The following MTA1 variants were observed in gnomAD, a reference collection of about 807,000 sequenced individuals.
MTA1 encodes the protein metastasis associated 1.
A neutral mutation model predicts 97.0 loss-of-function variants in MTA1; 15 were observed. The ratio of observed to expected loss-of-function variants is 0.15; its 90% confidence interval spans 0.10 to 0.24. The LOEUF (loss-of-function observed/expected upper bound fraction) is 0.24, where lower values mean the gene tolerates loss of function less well. Among genes scored for constraint, MTA1 ranks in the 10% least tolerant of loss-of-function variants. The probability of loss-of-function intolerance (pLI) is 1.00; values close to 1 mark genes in which losing one functional copy is unlikely to be tolerated. For synonymous variants in MTA1, 435 were observed against 417.5 expected, an observed-to-expected ratio of 1.04 and a Z score of -0.51; for missense variants, 709 against 1,015.1, an observed-to-expected ratio of 0.70 and a Z score of 4.10.
chr14:105,454,342 C>G (rs1555429414), intron 7 of MTA1, 32 bp downstream of exon 7: 7 of 1,397,974 alleles, frequency 5.0e-6, no homozygotes, highest in Non-Finnish European at 7.1e-6. Context: ...ATGGAGCCCT[C>G]TGTCCTGTCC....
Position 105,422,617 on chromosome 14 carries a change from A to G in MTA1, c.28+2554A>G, listed in dbSNP as rs1169794871. On this transcript the variant is annotated intron_variant, in intron 1 of 20. Coordinates refer to ENST00000331320, the MANE Select transcript of MTA1 (RefSeq NM_004689.4). This position sits in a 1 kb window ranked among gnomAD's most constrained non-coding sequence, Gnocchi z 4.3. ...AGATAAACAGAAATTTATTAGTGTA[A>G]GTATGTCCCAAATATGGCATGGGAC... 6.6e-6 allele frequency among the ~76,000 whole-genome samples: 1 copy of G among 152,228 alleles called. No homozygotes were observed. Among genetic ancestry groups the G allele is most frequent in the African/African-American group, 2.4e-5 (1 of 41,468 alleles).
intron 2 of MTA1, among the ~76,000 whole-genome samples, chr14:105,439,076 A>G (rs1555425068): frequency 6.6e-6 from 1 of 151,716 alleles, no homozygotes; most frequent in African/African-American, 2.4e-5. Flanking sequence ...AACCAACCAA[A>G]GGCTGCAGAA....
At chr14:105,441,378 A>G (rs1044113581) in intron 2 of MTA1, among the ~76,000 whole-genome samples, 14 of 151,844 alleles carry the variant, frequency 9.2e-5, no homozygotes, top group Admixed American at 2.0e-4. Context: ...CCCAGCACCC[A>G]TGGGTGCAGC....
At chr14:105,455,912 C>T (rs1354100688) in intron 7 of MTA1, among the ~76,000 whole-genome samples, 1 of 152,152 alleles carries the variant, frequency 6.6e-6, no homozygotes, top group Non-Finnish European at 1.5e-5. Flanking sequence ...GGGGAGGCCG[C>T]TGTGCTGGAG....
intron 6 of MTA1, among the ~76,000 whole-genome samples, chr14:105,453,248 G>A (rs972304618): frequency 6.6e-6 from 1 of 152,288 alleles, no homozygotes; most frequent in Admixed American, 6.5e-5. Flanking sequence ...ATGCTCCGTA[G>A]CGCTCCAGCG....
intron 8 of MTA1, among the ~76,000 whole-genome samples, chr14:105,459,499 G>A (rs879770272): frequency 1.0e-3 from 3 of 2,970 alleles, no homozygotes; most frequent in African/African-American, 1.4e-3. Flanking sequence ...CGTGCTGCCC[G>A]TGGCCCCTGG....
At chr14:105,453,313 C>T (rs2083015891) in intron 6 of MTA1, among the ~76,000 whole-genome samples, 1 of 152,276 alleles carries the variant, frequency 6.6e-6, no homozygotes, top group Non-Finnish European at 1.5e-5. Flanking sequence ...TGCTCTTAAA[C>T]ACCTTGGATA....
rs147309937 is a variant in MTA1 at position 105,469,554 on chromosome 14, G to C, written c.1845+56G>C. 8.8e-6 allele frequency: 14 copies of C among 1,594,250 alleles called. No individual in the cohort carries two copies. In the South Asian group the frequency reaches 1.5e-4, roughly 18 times the overall value. ...TGCGCTCACCCATGAGCTCTCTGGGGTGTTGGGAAGAGGCCTGGCCAGCCC... is the reference window on the plus strand; with the variant it reads ...TGCGCTCACCCATGAGCTCTCTGGGCTGTTGGGAAGAGGCCTGGCCAGCCC... On this transcript the variant is annotated intron_variant, in intron 19 of 20. Coordinates refer to ENST00000331320, the MANE Select transcript of MTA1 (RefSeq NM_004689.4).
At chr14:105,450,415 G>A (rs1162984251) in intron 6 of MTA1, 91 bp downstream of exon 6, 8 of 1,389,310 alleles carry the variant, frequency 5.8e-6, no homozygotes, top group East Asian at 2.4e-5. Flanking sequence ...CGGCGGAGAC[G>A]ATTTTCCCTC....
rs782395324 is a variant in MTA1 at position 105,470,186 on chromosome 14, A to G, written c.2119A>G (p.Asn707Asp). The G allele has an allele frequency of 6.2e-7, 1 of 1,606,942 alleles. No homozygotes were observed. The highest frequency in any genetic ancestry group is 8.5e-7 in the Non-Finnish European group (1 of 1,177,532). Residue 707 changes from asparagine (N) to aspartate (D), a missense_variant, in exon 21 of 21, where the codon AAC (asparagine) becomes GAC (aspartate). Physicochemically the swap from Asn to Asp is conservative, Grantham distance 23 (BLOSUM62 1). Around this residue, in one of 2 missense-constraint regions of MTA1, gnomAD observed 388 missense variants for 421.6 expected, o/e 0.92. Coordinates refer to ENST00000331320, the MANE Select transcript of MTA1 (RefSeq NM_004689.4). Reference sequence around the variant, plus strand: ...GCGGCCACCGCCACCTGCGCCCGTCAACGACGAGCCCATCGTCATCGAGGA... The same window carrying G: ...GCGGCCACCGCCACCTGCGCCCGTCGACGACGAGCCCATCGTCATCGAGGA... ...PPRPPPPAPV[N>D]DEPIVIED
intron 10 of MTA1, among the ~76,000 whole-genome samples, chr14:105,461,407 G>C (rs782593305): frequency 2.6e-5 from 4 of 152,204 alleles, no homozygotes; most frequent in Non-Finnish European, 5.9e-5. Flanking sequence ...TCTTCATGGC[G>C]TGGGGTCTCC....
chr14:105,450,516 C>CT (rs1290110233), intron 6 of MTA1, among the ~76,000 whole-genome samples, 192 bp downstream of exon 6: 17 of 152,244 alleles, frequency 1.1e-4, no homozygotes, highest in Non-Finnish European at 1.8e-4. Flanking sequence ...CGCCCCCACC[C>CT]TACGCGTCCA....
intron 3 of MTA1, chr14:105,449,134 T>C (rs2082824554): frequency 1.9e-6 from 1 of 514,852 alleles, no homozygotes; most frequent in African/African-American, 2.0e-5. Flanking sequence ...TTGTCTGGGC[T>C]CTTCCCAAAG....
At chr14:105,448,704 C>T (rs1297545608) in intron 3 of MTA1, among the ~76,000 whole-genome samples, 1 of 31,874 alleles carries the variant, frequency 3.1e-5, no homozygotes, top group Non-Finnish European at 9.0e-4. Flanking sequence ...CAGATAGGGC[C>T]GGCCCAGAAC....
In MTA1 at chr14:105,466,419, C is replaced by T. The variant is rs1474992905; in HGVS notation, c.1625-7C>T. ...GCAACTCGTTCTGCCTGTGTCATTC[C>T]CGGCAGAGACCCACCCCCGCCCCCC... On this transcript the variant is annotated splice_polypyrimidine_tract_variant and splice_region_variant and intron_variant, in intron 16 of 20. Coordinates refer to ENST00000331320, the MANE Select transcript of MTA1 (RefSeq NM_004689.4). The T allele has an allele frequency of 3.8e-6, 6 of 1,599,126 alleles. No individual in the cohort carries two copies. In the African/African-American group the frequency reaches 6.7e-5, roughly 18 times the overall value.
At chr14:105,421,178 C>A (rs1269674578) in intron 1 of MTA1, among the ~76,000 whole-genome samples, 3 of 152,150 alleles carry the variant, frequency 2.0e-5, no homozygotes, top group Non-Finnish European at 4.4e-5. Flanking sequence ...CTCTGGGCCT[C>A]CCCTGTCCTC....
chr14:105,461,582 A>G (rs945111244), intron 10 of MTA1, among the ~76,000 whole-genome samples: 1 of 152,206 alleles, frequency 6.6e-6, no homozygotes, highest in East Asian at 1.9e-4. Context: ...AGGAGCCCCA[A>G]AGGGGCCGGG....
At chr14:105,456,893 C>G (rs2083174436) in intron 7 of MTA1, among the ~76,000 whole-genome samples, 1 of 152,228 alleles carries the variant, frequency 6.6e-6, no homozygotes, top group Non-Finnish European at 1.5e-5. Flanking sequence ...TCTGGCCAGG[C>G]ATTGTTTCCT....
At chr14:105,465,015 G>C (rs1345965435) in intron 15 of MTA1, 79 bp from the exon 16 acceptor site, 16 of 1,431,578 alleles carry the variant, frequency 1.1e-5, no homozygotes, top group Non-Finnish European at 8.3e-6. Flanking sequence ...CCCAGTGAGG[G>C]CTCCCAGGTC....
Sources: gnomAD v4.1 joint callset for allele counts (sites outside exome capture counted in the v4.1 genomes callset) on GRCh38, gnomAD v4.1.1 for gene constraint, gnomAD v4.1.1 regional missense constraint, Gnocchi (gnomAD v3.1) non-coding constraint, MANE v1.5 for transcripts, NCBI Gene and HGNC (gene_info 2026-07-23, HGNC 2026-07-21) for gene names.